Variants in WWOX observed in about 807,000 individuals in gnomAD.
WWOX encodes WW domain-containing oxidoreductase.
Under a neutral mutation model 46.2 loss-of-function variants are expected in WWOX, and 69 were observed. The observed-to-expected ratio is 1.49, with a 90% CI of 1.23 to 1.82. The LOEUF is 1.82. Among genes scored for constraint, WWOX ranks in the 40% most tolerant of loss-of-function variants. The pLI is 0.00. For synonymous variants in WWOX, 359 were observed against 202.6 expected (o/e 1.77, Z -6.56); for missense variants, 919 against 542.6 (o/e 1.69, Z -6.89).
At chr16:79,174,622 T>C (rs535714923) in intron 8 of WWOX, among the ~76,000 whole-genome samples, 1 of 152,334 alleles carries the variant, frequency 6.6e-6, no homozygotes, top group East Asian at 1.9e-4. Flanking sequence ...CACTCCAGCC[T>C]GGGCAACAAG....
chr16:78,268,445 G>A (rs1014225265), intron 5 of WWOX, among the ~76,000 whole-genome samples: 3 of 152,148 alleles, frequency 2.0e-5, no homozygotes, highest in African/African-American at 7.2e-5. Flanking sequence ...TAACCTTTGT[G>A]GATGAAATTG....
At chr16:78,179,211 G>A (rs2035450020) in intron 5 of WWOX, among the ~76,000 whole-genome samples, 1 of 152,194 alleles carries the variant, frequency 6.6e-6, no homozygotes, top group Admixed American at 6.5e-5. Flanking sequence ...ATAACTTTTA[G>A]CCTTTGCTTT....
intron 8 of WWOX, among the ~76,000 whole-genome samples, chr16:78,944,725 A>G (rs916110229): frequency 2.0e-5 from 3 of 152,144 alleles, no homozygotes; most frequent in African/African-American, 4.8e-5. Context: ...GAGACCTCCT[A>G]GGACTGCACT....
At position 78,734,708 on chromosome 16, in the gene WWOX, A is replaced by T. The variant is rs56073608; in HGVS notation, c.1056+301956A>T. Among the ~76,000 whole-genome samples, 1,070 of 151,958 alleles carry T rather than the reference A, an allele frequency of 7.0e-3. 8 individuals carry two copies. Among genetic ancestry groups the T allele is most frequent in the African/African-American group, 0.024 (1,005 of 41,444 alleles). On this transcript the variant is annotated intron_variant, in intron 8 of 8. Coordinates refer to ENST00000566780, the MANE Select transcript of WWOX (RefSeq NM_016373.4). ...GGTGAGGTGAACATTTAAATCAGTC[A>T]CCTGATTACAGCAGATTGTTCTCAA... is the stretch of plus-strand genomic sequence containing the variant.
At chr16:78,870,317 T>TC (rs2044099083) in intron 8 of WWOX, among the ~76,000 whole-genome samples, 1 of 152,148 alleles carries the variant, frequency 6.6e-6, no homozygotes, top group South Asian at 2.1e-4. Flanking sequence ...TTCTTTTCAT[T>TC]CTAAGAATCA....
Position 78,381,625 on chromosome 16 carries a change from A to G in WWOX, c.517-5235A>G, listed in dbSNP as rs186554247. Among the ~76,000 whole-genome samples the G allele has an allele frequency of 7.6e-4, 116 of 152,310 alleles. 6 individuals are homozygous for G. The East Asian group carries it at 7.7e-3, about 10-fold the overall frequency. On this transcript the variant is annotated intron_variant, in intron 5 of 8. Coordinates refer to ENST00000566780, the MANE Select transcript of WWOX (RefSeq NM_016373.4). ...TCTGTTTTGCCTGAGATAAGCTTGT[A>G]CTGGTGTGATCAGAAGGAAGAATGA...
chr16:78,267,079 A>C (rs1444494741), intron 5 of WWOX: 1 of 162,662 alleles, frequency 6.1e-6, no homozygotes, highest in East Asian at 1.7e-4. Context: ...AGCATGTAAG[A>C]AGTGCCTTTG....
intron 8 of WWOX, among the ~76,000 whole-genome samples, chr16:79,064,519 G>A (rs964227117): frequency 6.6e-6 from 1 of 152,244 alleles, no homozygotes; most frequent in Non-Finnish European, 1.5e-5. Flanking sequence ...GAACGCAGAT[G>A]TGGAGACACC....
chr16:78,969,522 C>G (rs1176661676), intron 8 of WWOX, among the ~76,000 whole-genome samples: 1 of 152,158 alleles, frequency 6.6e-6, no homozygotes, highest in Non-Finnish European at 1.5e-5. Context: ...CCAACCGCCT[C>G]AGCCTCCCAA....
chr16:78,914,023 A>C (rs909491145), intron 8 of WWOX, among the ~76,000 whole-genome samples: 2 of 152,052 alleles, frequency 1.3e-5, no homozygotes, highest in African/African-American at 4.8e-5. Flanking sequence ...GGTCCATCTG[A>C]GGATCATCAG....
At chr16:78,647,228 T>C (rs1188205998) in intron 8 of WWOX, among the ~76,000 whole-genome samples, 1 of 152,054 alleles carries the variant, frequency 6.6e-6, no homozygotes, top group African/African-American at 2.4e-5. Context: ...TCAGAACACA[T>C]GGATCAGGAC....
intron 5 of WWOX, among the ~76,000 whole-genome samples, chr16:78,207,488 C>G (rs2036430550): frequency 6.6e-6 from 1 of 151,008 alleles, no homozygotes; most frequent in Non-Finnish European, 1.5e-5. Context: ...TAAGTATTAT[C>G]TCCCTTACTT....
At chr16:79,090,276 TGTGC>T (rs1555525591) in intron 8 of WWOX, among the ~76,000 whole-genome samples, 7 of 128,046 alleles carry the variant, frequency 5.5e-5, no homozygotes, top group South Asian at 2.7e-4. Context: ...GATTCTACTG[TGTGC>T]GTGTGTGTGT....
intron 8 of WWOX, among the ~76,000 whole-genome samples, chr16:78,951,551 G>C (rs1183459821): frequency 6.6e-6 from 1 of 152,170 alleles, no homozygotes; most frequent in Non-Finnish European, 1.5e-5. Flanking sequence ...AAGGGGACAT[G>C]GGTATTAAAA....
At chr16:79,035,542 A>G (rs1008818000) in intron 8 of WWOX, among the ~76,000 whole-genome samples, 1 of 151,912 alleles carries the variant, frequency 6.6e-6, no homozygotes, top group African/African-American at 2.4e-5. Context: ...TATTTTATTT[A>G]TTTATTAATT....
intron 5 of WWOX, among the ~76,000 whole-genome samples, chr16:78,356,059 ATT>A (rs1178007962): frequency 4.1e-5 from 3 of 73,198 alleles, no homozygotes; most frequent in Non-Finnish European, 9.1e-5. Flanking sequence ...GACCACCAAG[ATT>A]TTTTTTTCCT....
intron 5 of WWOX, among the ~76,000 whole-genome samples, chr16:78,250,623 G>A (rs2151828115): frequency 6.6e-6 from 1 of 152,288 alleles, no homozygotes; most frequent in South Asian, 2.1e-4. Context: ...GACACTCAGA[G>A]CCAACAGATA....
intron 8 of WWOX, among the ~76,000 whole-genome samples, chr16:78,880,997 T>TC (rs1197626503): frequency 2.7e-5 from 4 of 148,542 alleles, no homozygotes; most frequent in African/African-American, 4.9e-5. Flanking sequence ...TTTTTCTTTT[T>TC]TTTTTTTTTT....
chr16:78,672,279 C>G (rs1020165605), intron 8 of WWOX, among the ~76,000 whole-genome samples: 2 of 152,198 alleles, frequency 1.3e-5, no homozygotes, highest in African/African-American at 4.8e-5. Context: ...GTCCCAACCA[C>G]ATGCAAATGC....
Sources: allele counts gnomAD v4.1 joint callset (sites outside exome capture counted in the v4.1 genomes callset), GRCh38; gene constraint gnomAD v4.1.1; transcripts MANE v1.5; gene names NCBI Gene and HGNC (gene_info 2026-07-23, HGNC 2026-07-21).